Variants in SYT12 observed in about 807,000 individuals in gnomAD.
SYT12 encodes the protein synaptotagmin 12.
In SYT12, 27 loss-of-function variants were observed where a neutral mutation model predicts 39.5. That is an observed-to-expected ratio of 0.68 (90% CI 0.50 to 0.94). SYT12 has a LOEUF of 0.94. Ranked by LOEUF, SYT12 falls within the 40% of genes least tolerant of loss-of-function variation. SYT12 has a pLI of 0.00. For missense variants in SYT12, 536 were observed against 572.6 expected (o/e 0.94, Z 0.65); for synonymous variants, 233 against 239.7 (o/e 0.97, Z 0.26).
rs761877777 is a variant in SYT12, at chr11:67,034,720, T to G, written c.110T>G (p.Val37Gly). 2.5e-6 allele frequency: 4 copies of G among 1,603,286 alleles called. No individual in the cohort carries two copies. The South Asian group carries it at 4.5e-5, about 18-fold the overall frequency. Reference sequence around the variant, plus strand: ...CTGGCCCTGCTGGGAATCGCAGCTGTGAGCCTGTGGAAGCTCTGGACGTCG... The same window carrying G: ...CTGGCCCTGCTGGGAATCGCAGCTGGGAGCCTGTGGAAGCTCTGGACGTCG... ...GALALLGIAA[V>G]SLWKLWTSGS... Residue 37 changes from valine to glycine, a missense_variant, in exon 3 of 8, where the codon GTG becomes GGG. Val to Gly is a moderately radical substitution (Grantham distance 109, BLOSUM62 -3). Transcript: ENST00000527043.
At chr11:67,043,152 G>A (rs1950546533) in intron 4 of SYT12, among the ~76,000 whole-genome samples, 1 of 152,174 alleles carries the variant, frequency 6.6e-6, no homozygotes, top group African/African-American at 2.4e-5. Context: ...CTTGGAAACC[G>A]AGTTGGCCCA....
At chr11:67,022,347 G>A (rs1950118324), upstream of SYT12, among the ~76,000 whole-genome samples, 1 of 151,834 alleles carries the variant, frequency 6.6e-6, no homozygotes, top group Non-Finnish European at 1.5e-5. Context: ...CCCCACCCCA[G>A]ACCGTTGGAG....
Position 67,043,850 on chromosome 11 carries a change from C to G in SYT12, c.834C>G (p.Asn278Lys), listed in dbSNP as rs2136230671. ...GCTGGCTCTATTTACAGGACCAGAA[C>G]AAGGTAAGTGACTTGCCTGCTCGTC... ...FSGWLYLQDQNKAADAVGEIL... is the reference protein window; with the variant it reads ...FSGWLYLQDQKKAADAVGEIL... Residue 278 changes from asparagine (N) to lysine (K), a missense_variant, in exon 5 of 8, where the codon AAC (asparagine) becomes AAG (lysine). Asn to Lys is a moderately conservative substitution (Grantham distance 94, BLOSUM62 0). Coordinates refer to ENST00000527043, the MANE Select transcript of SYT12 (RefSeq NM_177963.4). 3 of 1,613,984 alleles carry G rather than the reference C, an allele frequency of 1.9e-6. No homozygotes were observed. Among genetic ancestry groups the G allele is most frequent in the Non-Finnish European group, 2.5e-6 (3 of 1,180,016 alleles).
intron 3 of SYT12, among the ~76,000 whole-genome samples, chr11:67,012,813 T>A (rs936993756): frequency 1.3e-5 from 2 of 152,082 alleles, no homozygotes; most frequent in African/African-American, 4.8e-5. Context: ...TAATCCAAGG[T>A]CACACAGTGA....
intron 1 of SYT12, chr11:67,009,782 A>C (rs901934772): frequency 2.0e-5 from 3 of 152,462 alleles, no homozygotes; most frequent in Non-Finnish European, 4.4e-5. Context: ...GGGAAAGGGG[A>C]GTGAGTGGCT....
intron 3 of SYT12, among the ~76,000 whole-genome samples, chr11:67,035,603 A>G (rs567146999): frequency 1.1e-3 from 159 of 146,428 alleles, no homozygotes; most frequent in South Asian, 6.7e-3. Context: ...GACTACAGGC[A>G]CCCGCCACCA....
At chr11:67,046,368 A>C (rs1854551381) in intron 7 of SYT12, among the ~76,000 whole-genome samples, 1 of 152,206 alleles carries the variant, frequency 6.6e-6, no homozygotes, top group African/African-American at 2.4e-5. Flanking sequence ...GTGGGGCTTG[A>C]AGATAGGGCT....
At chr11:67,012,951 T>TGG (rs11451963) in intron 3 of SYT12, among the ~76,000 whole-genome samples, 1 of 151,592 alleles carries the variant, frequency 6.6e-6, no homozygotes, top group African/African-American at 2.4e-5. Flanking sequence ...TTTTGAAACC[T>TGG]GGGGGGGGTC....
upstream of SYT12, among the ~76,000 whole-genome samples, chr11:67,018,918 G>C (rs907700889): frequency 6.6e-6 from 1 of 152,230 alleles, no homozygotes; most frequent in Non-Finnish European, 1.5e-5. Context: ...CTCATGAGCT[G>C]AGCCGGGGCC....
chr11:67,021,657 A>T (rs1591354326), upstream of SYT12, among the ~76,000 whole-genome samples: 1 of 151,624 alleles, frequency 6.6e-6, no homozygotes. Context: ...GATGTGTCTG[A>T]CTCCCAACTC....
rs759909817 is a variant in SYT12 at position 67,048,791 on chromosome 11, CTGG to C, written c.*35_*37del. 30 of 1,577,870 alleles carry C rather than the reference CTGG, an allele frequency of 1.9e-5. No homozygotes were observed. The East Asian group carries it at 3.0e-4, about 16-fold the overall frequency. ...GCGGGCCAGTTGGGCAATGGAGCTG[CTGG>C]AGCCCGGTACCCACTCAGCTCTGTC... On this transcript the variant is annotated 3_prime_UTR_variant, in exon 8 of 8. Transcript: ENST00000527043.
chr11:67,027,807 C>T (rs1430290550), intron 1 of SYT12: 3 of 152,212 alleles, frequency 2.0e-5, no homozygotes, highest in Non-Finnish European at 4.4e-5. Context: ...CCAGCTTGGC[C>T]CCACTCTTGC....
intron 1 of SYT12, chr11:67,009,779 G>C (rs1315896996): frequency 6.6e-6 from 1 of 152,474 alleles, no homozygotes; most frequent in Non-Finnish European, 1.5e-5. Flanking sequence ...TGTGGGAAAG[G>C]GGAGTGAGTG....
At chr11:67,023,648 C>A (rs958105525) in intron 1 of SYT12, among the ~76,000 whole-genome samples, 188 bp downstream of exon 1, 1 of 152,186 alleles carries the variant, frequency 6.6e-6, no homozygotes, top group African/African-American at 2.4e-5. Flanking sequence ...CGCCCTTACC[C>A]GGCCCGGCCA....
At position 67,023,268 on chromosome 11, in the gene SYT12, G is replaced by T. The variant is rs1047107221; in HGVS notation, c.-216G>T. On this transcript the variant is annotated 5_prime_UTR_variant, in exon 1 of 8. Coordinates refer to ENST00000527043, the MANE Select transcript of SYT12 (RefSeq NM_177963.4). ...CCTGGGAGCGTGCCCGGACTGCGGC[G>T]CAGCTCCGGTCCGCCGCCCCGGCCC... is the stretch of plus-strand genomic sequence containing the variant. The T allele has an allele frequency of 2.0e-5, 3 of 149,644 alleles. No individual in the cohort carries two copies. The highest frequency in any genetic ancestry group is 4.5e-5 in the Non-Finnish European group (3 of 67,130). 9.3% of individuals were successfully genotyped at this position (149,644 alleles called of 1,614,324 possible).
At chr11:67,028,381 T>A (rs1241968447) in intron 1 of SYT12, 2 of 152,128 alleles carry the variant, frequency 1.3e-5, no homozygotes, top group Non-Finnish European at 2.9e-5. Flanking sequence ...CATCTCCTTG[T>A]GGGAGTGGGG....
intron 2 of SYT12, chr11:67,010,785 C>A (rs1347957003): frequency 6.6e-6 from 1 of 152,214 alleles, no homozygotes; most frequent in African/African-American, 2.4e-5. Context: ...GCGTCTGTCG[C>A]TGATGGTGCC....
chr11:67,040,610 C>T (rs1205479206), intron 4 of SYT12, among the ~76,000 whole-genome samples: 2 of 150,554 alleles, frequency 1.3e-5, no homozygotes, highest in Non-Finnish European at 3.0e-5. Flanking sequence ...GAGGCCGAGG[C>T]GGGCAGATCA....
chr11:67,040,798 A>C (rs1052862418), intron 4 of SYT12, among the ~76,000 whole-genome samples: 1 of 152,006 alleles, frequency 6.6e-6, no homozygotes, highest in African/African-American at 2.4e-5. Context: ...AGATCGTGCC[A>C]CTGCACTCCA....
Sources: allele counts gnomAD v4.1 joint callset (sites outside exome capture counted in the v4.1 genomes callset), GRCh38; gene constraint gnomAD v4.1.1; transcripts MANE v1.5; gene names NCBI Gene and HGNC (gene_info 2026-07-23, HGNC 2026-07-21).